The following DYRK1A variants were observed in gnomAD, a reference collection of about 807,000 sequenced individuals.
DYRK1A encodes dual specificity tyrosine-phosphorylation-regulated kinase 1A.
Under a neutral mutation model 79.7 loss-of-function variants are expected in DYRK1A, and 9 were observed. The observed-to-expected ratio is 0.11, with a 90% confidence interval of 0.07 to 0.20. The LOEUF is 0.20. Ranked by LOEUF, DYRK1A falls within the 10% of genes least tolerant of loss-of-function variation. DYRK1A has a pLI of 1.00. For missense variants in DYRK1A, 622 were observed against 956.0 expected (o/e 0.65, Z 4.61); for synonymous variants, 349 against 329.7 (o/e 1.06, Z -0.63).
At chr21:37,446,170 A>G (rs576049824) in intron 2 of DYRK1A, among the ~76,000 whole-genome samples, 2 of 152,284 alleles carry the variant, frequency 1.3e-5, no homozygotes, top group African/African-American at 2.4e-5. Context: ...TCTGAAGAAC[A>G]TGCTACAACT....
chr21:37,503,818 A>G (rs1250340949), intron 9 of DYRK1A: 1 of 152,254 alleles, frequency 6.6e-6, no homozygotes, highest in Non-Finnish European at 1.5e-5. Context: ...ATCATAATTT[A>G]TCAGAAGTAA....
intron 11 of DYRK1A, chr21:37,506,473 A>G: frequency 1.7e-6 from 2 of 1,158,860 alleles, no homozygotes; most frequent in African/African-American, 3.1e-5. Flanking sequence ...TCCTGTGTTT[A>G]TCTCATTTAC....
chr21:37,411,576 T>A (rs139137844), intron 1 of DYRK1A, among the ~76,000 whole-genome samples: 29 of 152,306 alleles, frequency 1.9e-4, no homozygotes, highest in African/African-American at 6.5e-4. Context: ...GGTGTAGAAA[T>A]GTTGACATTA....
At chr21:37,384,682 C>CAT (rs2049725334) in intron 1 of DYRK1A, among the ~76,000 whole-genome samples, 1 of 152,132 alleles carries the variant, frequency 6.6e-6, no homozygotes, top group East Asian at 1.9e-4. Flanking sequence ...ATTAGGAGAT[C>CAT]AAGCAGTTGA....
intron 2 of DYRK1A, among the ~76,000 whole-genome samples, chr21:37,432,192 TTTTG>T (rs2050794403): frequency 6.6e-6 from 1 of 152,168 alleles, no homozygotes; most frequent in Non-Finnish European, 1.5e-5. Flanking sequence ...GAGCCTTTTT[TTTTG>T]TTCTGGGAAA....
chr21:37,434,919 C>G (rs2050880434), intron 2 of DYRK1A, among the ~76,000 whole-genome samples: 1 of 152,122 alleles, frequency 6.6e-6, no homozygotes, highest in Non-Finnish European at 1.5e-5. Context: ...TTACATAATG[C>G]TTTTGAGTAG....
intron 1 of DYRK1A, among the ~76,000 whole-genome samples, chr21:37,389,354 C>T (rs1280098004): frequency 6.8e-6 from 1 of 146,342 alleles, no homozygotes; most frequent in African/African-American, 2.5e-5. Context: ...TTGGTAGAGG[C>T]GGGGTCTCAT....
intron 2 of DYRK1A, among the ~76,000 whole-genome samples, chr21:37,429,899 G>C (rs1365771890): frequency 6.6e-6 from 1 of 151,962 alleles, no homozygotes; most frequent in Non-Finnish European, 1.5e-5. Flanking sequence ...TCTTCTCTTG[G>C]TTGCCTCCAT....
chr21:37,398,760 C>T (rs1232452117), intron 1 of DYRK1A, among the ~76,000 whole-genome samples: 1 of 152,042 alleles, frequency 6.6e-6, no homozygotes, highest in Non-Finnish European at 1.5e-5. Context: ...ATTATAATGT[C>T]CTTAAGAATC....
At chr21:37,455,943 C>G (rs768565140) in intron 2 of DYRK1A, among the ~76,000 whole-genome samples, 1 of 152,090 alleles carries the variant, frequency 6.6e-6, no homozygotes, top group Non-Finnish European at 1.5e-5. Flanking sequence ...AAAATTGAAT[C>G]CAGACTCCTT....
At chr21:37,469,126 C>G (rs1306907989) in intron 2 of DYRK1A, among the ~76,000 whole-genome samples, 1 of 152,170 alleles carries the variant, frequency 6.6e-6, no homozygotes, top group Non-Finnish European at 1.5e-5. Flanking sequence ...AGCACAAATA[C>G]ACTTAGCATA....
In DYRK1A at chr21:37,368,079, G is replaced by A. The variant is rs553699963; in HGVS notation, c.-77+451G>A. ...ATGCACGGGTTAAGAAAATGGGGCC[G>A]GCTGCCGGGTGGGCGAGGACGGCGG... On this transcript the variant is annotated intron_variant, in intron 1 of 11. Transcript: ENST00000647188. 2.3e-3 allele frequency: 345 copies of A among 153,156 alleles called. 2 individuals are homozygous for A. The highest frequency in any genetic ancestry group is 0.011 in the East Asian group (59 of 5,158). 9.5% of individuals were successfully genotyped at this position (153,156 alleles called of 1,614,324 possible). A position where few individuals can be genotyped will look rare whatever the true frequency, so the allele number is the denominator to read the frequency against.
chr21:37,368,946 G>C (rs554780925), intron 1 of DYRK1A, among the ~76,000 whole-genome samples: 1 of 152,254 alleles, frequency 6.6e-6, no homozygotes, highest in East Asian at 1.9e-4. Context: ...GATGAGGCCT[G>C]TTAATAAACT....
intron 8 of DYRK1A, 137 bp from the exon 9 acceptor site, chr21:37,495,981 A>T: frequency 1.3e-6 from 1 of 755,624 alleles, no homozygotes; most frequent in Non-Finnish European, 2.1e-6. Context: ...GTGTTTGTTC[A>T]TTACTGTATG....
At chr21:37,436,838 G>C (rs1156693203) in intron 2 of DYRK1A, among the ~76,000 whole-genome samples, 2 of 152,202 alleles carry the variant, frequency 1.3e-5, no homozygotes, top group Non-Finnish European at 1.5e-5. Context: ...AGGGGACCTA[G>C]ATACAGAATT....
At position 37,517,598 on chromosome 21, in the gene DYRK1A, G is replaced by A. The variant is rs952736906; in HGVS notation, c.*5067G>A. The stretch of plus-strand genomic sequence containing the variant: ...AGGGCAAAATAAAGTGGCAGGCACT[G>A]GGTGTGTGTGGTAGTTCTGCACTAG... On this transcript the variant is annotated 3_prime_UTR_variant, in exon 12 of 12. Transcript: ENST00000647188. 6.6e-6 allele frequency: 1 copy of A among 152,226 alleles called. No individual in the cohort carries two copies. Among genetic ancestry groups the A allele is most frequent in the African/African-American group, 2.4e-5 (1 of 41,448 alleles). The allele number at this position is 152,226 out of a possible 1,614,324, so 9.4% of individuals were successfully genotyped here. A position where few individuals can be genotyped will look rare whatever the true frequency, so the allele number is the denominator to read the frequency against.
intron 2 of DYRK1A, among the ~76,000 whole-genome samples, chr21:37,436,867 G>T (rs1306122039): frequency 6.6e-6 from 1 of 152,192 alleles, no homozygotes; most frequent in East Asian, 1.9e-4. Flanking sequence ...AACAGAGGTG[G>T]ATATGTCTTT....
chr21:37,408,183 T>C (rs1286050814), intron 1 of DYRK1A, among the ~76,000 whole-genome samples: 1 of 152,272 alleles, frequency 6.6e-6, no homozygotes, highest in African/African-American at 2.4e-5. Context: ...GTAAGCTCTC[T>C]TGTCAGAAAG....
intron 11 of DYRK1A, among the ~76,000 whole-genome samples, chr21:37,508,353 T>A (rs2053655577): frequency 1.3e-5 from 2 of 152,204 alleles, no homozygotes; most frequent in African/African-American, 4.8e-5. Context: ...AATGGAACAA[T>A]CTCTGCTCAT....
Sources: gnomAD v4.1 joint callset for allele counts (sites outside exome capture counted in the v4.1 genomes callset) on GRCh38, gnomAD v4.1.1 for gene constraint, MANE v1.5 for transcripts, NCBI Gene and HGNC (gene_info 2026-07-23, HGNC 2026-07-21) for gene names.